RNF38: variants seen among roughly 807,000 people sequenced by gnomAD.
The protein encoded by RNF38 is E3 ubiquitin-protein ligase RNF38.
A neutral mutation model predicts 67.2 loss-of-function variants in RNF38; 15 were observed. That is an observed-to-expected ratio of 0.22 (90% CI 0.15 to 0.34). The LOEUF is 0.34. RNF38 is among the 10% of genes least tolerant of loss of function. The probability of loss-of-function intolerance (pLI) is 1.00; values close to 1 mark genes in which losing one functional copy is unlikely to be tolerated. For synonymous variants in RNF38, 220 were observed against 218.8 expected, an observed-to-expected ratio of 1.01 and a Z score of -0.05; for missense variants, 524 against 639.9, an observed-to-expected ratio of 0.82 and a Z score of 1.95.
chr9:36,374,835 A>C (rs10972877), intron 3 of RNF38, among the ~76,000 whole-genome samples: 6,397 of 152,228 alleles, frequency 0.042, 235 homozygotes, highest in East Asian at 0.12. Flanking sequence ...TTATGACCTC[A>C]TTTAACGTTA....
upstream of RNF38, chr9:36,401,013 T>A (rs1837995574): frequency 1.0e-6 from 1 of 981,794 alleles, no homozygotes; most frequent in African/African-American, 1.8e-5. Flanking sequence ...GCGACTCCCC[T>A]CGCCGCTAGG....
intron 4 of RNF38, among the ~76,000 whole-genome samples, chr9:36,366,331 G>T (rs1834958933): frequency 6.6e-6 from 1 of 152,022 alleles, no homozygotes. Context: ...AAAAATAAAT[G>T]ATTTTATTAG....
intron 9 of RNF38, 134 bp downstream of exon 9, chr9:36,350,981 C>T (rs1212683106): frequency 1.5e-6 from 1 of 678,480 alleles, no homozygotes; most frequent in East Asian, 2.8e-5. Flanking sequence ...TATGTGTGGC[C>T]CAACACAGTA....
intron 1 of RNF38, among the ~76,000 whole-genome samples, chr9:36,451,932 T>G (rs993088733): frequency 3.9e-5 from 6 of 152,068 alleles, no homozygotes; most frequent in African/African-American, 1.4e-4. Flanking sequence ...AAAAACTTTT[T>G]AAGGCCAGGC....
chr9:36,386,167 T>C (rs1299320955), intron 2 of RNF38, among the ~76,000 whole-genome samples: 1 of 152,214 alleles, frequency 6.6e-6, no homozygotes, highest in East Asian at 1.9e-4. Context: ...AGAATTACTT[T>C]TGCACCAACC....
At chr9:36,462,330 C>A (rs1296593095) in intron 1 of RNF38, among the ~76,000 whole-genome samples, 2 of 152,140 alleles carry the variant, frequency 1.3e-5, no homozygotes, top group African/African-American at 4.8e-5. Context: ...CATCTCTCTC[C>A]TGCTCTACCG....
At chr9:36,368,054 T>C (rs1835109845) in intron 4 of RNF38, among the ~76,000 whole-genome samples, 1 of 152,160 alleles carries the variant, frequency 6.6e-6, no homozygotes, top group African/African-American at 2.4e-5. Flanking sequence ...GGTTTCACCA[T>C]GTTGGCCAGG....
chr9:36,358,592 C>G (rs1834298901), intron 4 of RNF38, among the ~76,000 whole-genome samples: 1 of 152,198 alleles, frequency 6.6e-6, no homozygotes, highest in South Asian at 2.1e-4. Flanking sequence ...GTAACTTGTT[C>G]TCTTTGGTAC....
intron 2 of RNF38, among the ~76,000 whole-genome samples, chr9:36,413,797 G>C (rs375876479): frequency 2.8e-4 from 43 of 152,256 alleles, no homozygotes; most frequent in African/African-American, 9.6e-4. Context: ...TTGTTTCTTT[G>C]TTAACTTTCC....
intron 9 of RNF38, among the ~76,000 whole-genome samples, chr9:36,350,629 GC>G (rs1286130556): frequency 1.3e-5 from 2 of 152,190 alleles, no homozygotes; most frequent in Non-Finnish European, 2.9e-5. Flanking sequence ...TTTTCAGCAT[GC>G]CTAATCAAAA....
intron 1 of RNF38, among the ~76,000 whole-genome samples, chr9:36,393,517 GT>G (rs1837287593): frequency 1.4e-5 from 2 of 143,168 alleles, no homozygotes; most frequent in South Asian, 2.1e-4. Context: ...GTGTGTGTGT[GT>G]GTGTGGGGCA....
chr9:36,358,525 C>A (rs2042676429), intron 4 of RNF38, among the ~76,000 whole-genome samples: 1 of 152,158 alleles, frequency 6.6e-6, no homozygotes, highest in Non-Finnish European at 1.5e-5. Context: ...TACTACCCTG[C>A]AACTTTGTTT....
At position 36,375,991 on chromosome 9, in the gene RNF38, G is replaced by T; in HGVS notation, c.299C>A (p.Pro100Gln). The change falls in exon 3 of 12, where the codon CCA (proline) becomes CAA (glutamine). Residue 100 changes from proline (P) to glutamine (Q), a missense_variant. This residue lies in a region of RNF38 where 461 missense variants were observed against 517.4 expected (regional missense o/e 0.89). Coordinates refer to ENST00000259605, the MANE Select transcript of RNF38 (RefSeq NM_022781.5). ...TTCCCCTGAGAAGTGATGTTGGCTT[G>T]GTCGAACTGAAGGGGGCTGCCTATT... is the stretch of plus-strand genomic sequence containing the variant. ...TSNRQPPSVR[P>Q]SQHHFSGERC... 1.2e-6 allele frequency: 2 copies of T among 1,613,166 alleles called. No individual in the cohort carries two copies. The highest frequency in any genetic ancestry group is 1.7e-6 in the Non-Finnish European group (2 of 1,179,662).
intron 1 of RNF38, among the ~76,000 whole-genome samples, chr9:36,459,294 T>A (rs1008308380): frequency 4.6e-5 from 7 of 151,824 alleles, no homozygotes; most frequent in Non-Finnish European, 8.8e-5. Context: ...TCTGGGGGAA[T>A]CTCTAGGGTA....
chr9:36,429,507 A>C (rs1350736977), intron 1 of RNF38, among the ~76,000 whole-genome samples: 1 of 152,226 alleles, frequency 6.6e-6, no homozygotes, highest in African/African-American at 2.4e-5. Flanking sequence ...TATATAAGAC[A>C]CAGTGGCTCA....
intron 9 of RNF38, among the ~76,000 whole-genome samples, chr9:36,348,904 T>G (rs1425106445): frequency 1.3e-5 from 2 of 152,178 alleles, no homozygotes; most frequent in Non-Finnish European, 2.9e-5. Flanking sequence ...GGATGCCATC[T>G]AAGATTTTCA....
rs1432671958 is a variant in RNF38, at chr9:36,339,559, AG to A, written c.*192del. The A allele has an allele frequency of 1.9e-6, 1 of 517,362 alleles. No homozygotes were observed. Among genetic ancestry groups the A allele is most frequent in the East Asian group, 2.9e-5 (1 of 34,468 alleles). The allele number at this position is 517,362 out of a possible 1,614,324, so 32.0% of individuals were successfully genotyped here. Reference sequence around the variant, plus strand: ...TCTTTGGAGTTCCAATCACACGGTTAGTATAACAATCCCATAACTGTGAAGA... The same window carrying A: ...TCTTTGGAGTTCCAATCACACGGTTATATAACAATCCCATAACTGTGAAGA... On this transcript the variant is annotated 3_prime_UTR_variant, in exon 12 of 12. Transcript: ENST00000259605.
intron 1 of RNF38, among the ~76,000 whole-genome samples, chr9:36,450,674 G>C (rs2134333007): frequency 1.3e-5 from 2 of 152,148 alleles, no homozygotes; most frequent in East Asian, 3.9e-4. Context: ...TAGCACTTTG[G>C]GAGGCTGAGG....
At chr9:36,424,032 C>T (rs1838706984) in intron 2 of RNF38, among the ~76,000 whole-genome samples, 1 of 149,214 alleles carries the variant, frequency 6.7e-6, no homozygotes, top group Non-Finnish European at 1.5e-5. Flanking sequence ...AAGCAAAAAA[C>T]ACAATGAAAC....
Sources: gnomAD v4.1 joint callset for allele counts (sites outside exome capture counted in the v4.1 genomes callset) on GRCh38, gnomAD v4.1.1 for gene constraint, gnomAD v4.1.1 regional missense constraint, MANE v1.5 for transcripts, NCBI Gene and HGNC (gene_info 2026-07-23, HGNC 2026-07-21) for gene names.